Variants in TOMM70 observed in about 807,000 individuals in gnomAD.
The protein encoded by TOMM70 is translocase of outer mitochondrial membrane 70.
Under a neutral mutation model 73.6 loss-of-function variants are expected in TOMM70, and 13 were observed. That is an observed-to-expected ratio of 0.18 (90% CI 0.11 to 0.28). TOMM70 has a LOEUF of 0.28. Ranked by LOEUF, TOMM70 falls within the 10% of genes least tolerant of loss-of-function variation. The pLI is 1.00. For synonymous variants in TOMM70, 257 were observed against 271.2 expected (o/e 0.95, Z 0.51); for missense variants, 609 against 747.5 (o/e 0.81, Z 2.16).
intron 9 of TOMM70, among the ~76,000 whole-genome samples, chr3:100,370,378 T>C (rs73150325): frequency 0.18 from 27,318 of 152,248 alleles, 2,875 homozygotes; most frequent in Non-Finnish European, 0.24. Context: ...TACCATTAAG[T>C]GAGTGTACCA....
chr3:100,390,974 C>A (rs906035776), intron 1 of TOMM70, among the ~76,000 whole-genome samples: 1 of 150,410 alleles, frequency 6.6e-6, no homozygotes, highest in Non-Finnish European at 1.5e-5. Context: ...CCCGTCTCTA[C>A]TAAAAATACA....
rs778116115 is a variant in TOMM70 at position 100,372,671 on chromosome 3, T to G, written c.1387A>C (p.Lys463Gln). The G allele has an allele frequency of 6.2e-7, 1 of 1,614,134 alleles. No individual in the cohort carries two copies. The highest frequency in any genetic ancestry group is 8.5e-7 in the Non-Finnish European group (1 of 1,179,998). Residue 463 changes from lysine to glutamine, a missense_variant, in exon 9 of 12, where the codon AAA becomes CAA. Coordinates refer to ENST00000284320, the MANE Select transcript of TOMM70 (RefSeq NM_014820.5). ...TTCTTTATGACCTCTTCAAAACCTT[T>G]CATAGCTGCTTGGATTTGTGAAGAG... The part of the protein sequence containing the change: ...NNSSQIQAAM[K>Q]GFEEVIKKFP...
chr3:100,392,774 T>C (rs1706777774), intron 1 of TOMM70, among the ~76,000 whole-genome samples: 1 of 152,182 alleles, frequency 6.6e-6, no homozygotes, highest in African/African-American at 2.4e-5. Context: ...AGGTCTACCA[T>C]TTGATTCAGC....
At chr3:100,379,006 C>CAAATAAATAAATAAAT (rs145132790) in intron 5 of TOMM70, among the ~76,000 whole-genome samples, 8 of 148,870 alleles carry the variant, frequency 5.4e-5, no homozygotes, top group South Asian at 2.1e-4. Flanking sequence ...GACTCCGTCT[C>CAAATAAATAAATAAAT]AAATAAATAA....
At chr3:100,371,178 C>G (rs1559830285) in intron 9 of TOMM70, among the ~76,000 whole-genome samples, 1 of 151,780 alleles carries the variant, frequency 6.6e-6, no homozygotes, top group Non-Finnish European at 1.5e-5. Context: ...TATAACCTGC[C>G]TACAGATACC....
chr3:100,372,746 GTCAAA>G, intron 8 of TOMM70, 24 bp from the exon 9 acceptor site: 1 of 1,572,900 alleles, frequency 6.4e-7, no homozygotes, highest in Non-Finnish European at 8.7e-7. Context: ...AAACAGGCCT[GTCAAA>G]TCAAGAACTC....
intron 1 of TOMM70, among the ~76,000 whole-genome samples, chr3:100,399,021 C>A (rs1462510880): frequency 6.6e-6 from 1 of 152,216 alleles, no homozygotes; most frequent in African/African-American, 2.4e-5. Context: ...GTGGCTCACG[C>A]CTGTAATCCC....
At chr3:100,387,116 A>C in intron 1 of TOMM70, 138 bp from the exon 2 acceptor site, 1 of 853,320 alleles carries the variant, frequency 1.2e-6, no homozygotes, top group Non-Finnish European at 1.8e-6. Flanking sequence ...AAATATCTTC[A>C]TGGAATAGAT....
chr3:100,371,066 A>C (rs1011134079), intron 9 of TOMM70, among the ~76,000 whole-genome samples: 1 of 152,190 alleles, frequency 6.6e-6, no homozygotes, highest in African/African-American at 2.4e-5. Flanking sequence ...ACTTTAATGT[A>C]GTTATATATA....
In TOMM70 at chr3:100,364,721, C is replaced by T. The variant is rs1706429530; in HGVS notation, c.*843G>A. The T allele has an allele frequency of 6.6e-6, 1 of 152,134 alleles. No individual in the cohort carries two copies. The highest frequency in any genetic ancestry group is 2.4e-5 in the African/African-American group (1 of 41,424). 9.4% of individuals were successfully genotyped at this position (152,134 alleles called of 1,614,324 possible). A position where few individuals can be genotyped will look rare whatever the true frequency, so the allele number is the denominator to read the frequency against. Reference sequence around the variant, plus strand: ...ACTATAAATAGTATATACAGTGCCACTGTACCCTCTATCCTACATTTTTAA... The same window carrying T: ...ACTATAAATAGTATATACAGTGCCATTGTACCCTCTATCCTACATTTTTAA... On this transcript the variant is annotated 3_prime_UTR_variant, in exon 12 of 12. Transcript: ENST00000284320.
chr3:100,381,781 T>C lies in TOMM70; in HGVS notation c.736-18A>G. 1 of 1,585,004 alleles carries C rather than the reference T, an allele frequency of 6.3e-7. No homozygotes were observed. Among genetic ancestry groups the C allele is most frequent in the African/African-American group, 1.3e-5 (1 of 74,288 alleles). ...TCACGATTCTGAAATTTAGTCATGT[T>C]TAAAGACATCAGGATGGGAAATACC... On this transcript the variant is annotated intron_variant, in intron 4 of 11. Transcript: ENST00000284320.
At chr3:100,394,367 T>C (rs899139234) in intron 1 of TOMM70, among the ~76,000 whole-genome samples, 4 of 111,998 alleles carry the variant, frequency 3.6e-5, no homozygotes, top group African/African-American at 2.2e-4. Context: ...TACTTTTTCT[T>C]TTTTTTTTTT....
At position 100,377,803 on chromosome 3, in the gene TOMM70, A is replaced by G; in HGVS notation, c.994T>C (p.Leu332=). 6.2e-7 allele frequency: 1 copy of G among 1,614,226 alleles called. No individual in the cohort carries two copies. Among genetic ancestry groups the G allele is most frequent in the Non-Finnish European group, 8.5e-7 (1 of 1,180,010 alleles). Residue 332 remains leucine, a synonymous_variant, in exon 6 of 12, where the codon TTG becomes CTG. Coordinates refer to ENST00000284320, the MANE Select transcript of TOMM70 (RefSeq NM_014820.5). The stretch of plus-strand genomic sequence containing the variant: ...AGGTAGAAGGTAGCTCGTAGTAGCA[A>G]TGCTTCTGCCATGTATTTGCCTTCA... ...DAEGKYMAEA[L]LLRATFYLLI...
rs1001414934 is a variant in TOMM70 at position 100,368,460 on chromosome 3, C to T, written c.1551-294G>A. ...GAAGTTTCTTAGGATAATTCAAGTA[C>T]GCAAGGACACGAACACTTGTGTATG... On this transcript the variant is annotated intron_variant, in intron 10 of 11. Transcript: ENST00000284320. Among the ~76,000 whole-genome samples the T allele has an allele frequency of 5.3e-5, 8 of 152,104 alleles. 1 individual carries two copies. The highest frequency in any genetic ancestry group is 4.6e-4 in the Admixed American group (7 of 15,266).
At position 100,400,987 on chromosome 3, in the gene TOMM70, G is replaced by C; in HGVS notation, c.-38C>G. 6.6e-7 allele frequency: 1 copy of C among 1,519,690 alleles called. No homozygotes were observed. The highest frequency in any genetic ancestry group is 8.8e-7 in the Non-Finnish European group (1 of 1,137,180). The allele number at this position is 1,519,690 out of a possible 1,614,324, so 94.1% of individuals were successfully genotyped here. ...CTGCCACCGCCTCCCTGTCTGTCGCGAGCGCCACAATCACCAAACAGCGTG... is the reference window on the plus strand; with the variant it reads ...CTGCCACCGCCTCCCTGTCTGTCGCCAGCGCCACAATCACCAAACAGCGTG... On this transcript the variant is annotated 5_prime_UTR_variant, in exon 1 of 12. Coordinates refer to ENST00000284320, the MANE Select transcript of TOMM70 (RefSeq NM_014820.5).
At chr3:100,374,854 C>T (rs1004333723) in intron 7 of TOMM70, among the ~76,000 whole-genome samples, 164 bp downstream of exon 7, 1 of 152,164 alleles carries the variant, frequency 6.6e-6, no homozygotes, top group African/African-American at 2.4e-5. Context: ...ATATTCAAGA[C>T]AGACTAAACA....
At chr3:100,376,144 G>A (rs1290939805) in intron 6 of TOMM70, among the ~76,000 whole-genome samples, 1 of 152,110 alleles carries the variant, frequency 6.6e-6, no homozygotes, top group Non-Finnish European at 1.5e-5. Flanking sequence ...AATGGCTAAT[G>A]ATGCCAACAA....
At chr3:100,396,845 A>G (rs572262552) in intron 1 of TOMM70, among the ~76,000 whole-genome samples, 1 of 152,338 alleles carries the variant, frequency 6.6e-6, no homozygotes, top group African/African-American at 2.4e-5. Context: ...ACAACTATGA[A>G]TATCCTTTGC....
At chr3:100,369,559 G>C (rs1706485914) in intron 9 of TOMM70, among the ~76,000 whole-genome samples, 1 of 149,666 alleles carries the variant, frequency 6.7e-6, no homozygotes, top group African/African-American at 2.5e-5. Context: ...GGGGTGTAGT[G>C]GCGCAATCTC....
Sources: allele counts gnomAD v4.1 joint callset (sites outside exome capture counted in the v4.1 genomes callset), GRCh38; gene constraint gnomAD v4.1.1; transcripts MANE v1.5; gene names NCBI Gene and HGNC (gene_info 2026-07-23, HGNC 2026-07-21).